CAMK4: variants seen among roughly 807,000 people sequenced by gnomAD.
The protein encoded by CAMK4 is calcium/calmodulin dependent protein kinase IV.
CAMK4 carries 22 observed loss-of-function variants against 44.9 expected under a neutral mutation model. The observed-to-expected ratio is 0.49, with a 90% CI of 0.35 to 0.70. CAMK4 has a LOEUF of 0.70. Ranked by LOEUF, CAMK4 falls within the 30% of genes least tolerant of loss-of-function variation. The pLI is 0.01. For synonymous variants in CAMK4, 218 were observed against 215.4 expected, an observed-to-expected ratio of 1.01 and a Z score of -0.11; for missense variants, 498 against 586.8, an observed-to-expected ratio of 0.85 and a Z score of 1.56.
At chr5:111,319,975 A>T (rs1748589733) in intron 1 of CAMK4, among the ~76,000 whole-genome samples, 1 of 152,200 alleles carries the variant, frequency 6.6e-6, no homozygotes, top group African/African-American at 2.4e-5. Flanking sequence ...TATTAGGTAT[A>T]GGAGTGGAAA....
intron 1 of CAMK4, among the ~76,000 whole-genome samples, chr5:111,334,264 TC>T (rs1749300388): frequency 6.6e-6 from 1 of 151,626 alleles, no homozygotes; most frequent in Non-Finnish European, 1.5e-5. Flanking sequence ...ACTGAAAATG[TC>T]AAATCACTAA....
intron 5 of CAMK4, among the ~76,000 whole-genome samples, chr5:111,411,270 G>A (rs1044743589): frequency 3.9e-5 from 6 of 152,168 alleles, no homozygotes; most frequent in African/African-American, 1.4e-4. Context: ...TTCTCTGAGA[G>A]CCAAGTCTGT....
At chr5:111,477,565 G>C (rs1755291307) in intron 8 of CAMK4, among the ~76,000 whole-genome samples, 1 of 152,116 alleles carries the variant, frequency 6.6e-6, no homozygotes, top group African/African-American at 2.4e-5. Flanking sequence ...TGGATGCTTG[G>C]TGGTCACAAA....
intron 1 of CAMK4, among the ~76,000 whole-genome samples, chr5:111,271,708 C>G (rs183557300): frequency 2.0e-5 from 3 of 152,102 alleles, no homozygotes; most frequent in Admixed American, 2.0e-4. Flanking sequence ...TTTGGCAAGA[C>G]CACATCTTAG....
intron 5 of CAMK4, 82 bp downstream of exon 5, chr5:111,394,864 G>T: frequency 2.4e-6 from 2 of 845,178 alleles, no homozygotes; most frequent in Admixed American, 1.9e-5. Flanking sequence ...ATGCGCATCT[G>T]TGATAAGCCA....
At chr5:111,465,889 C>G (rs183028213) in intron 7 of CAMK4, among the ~76,000 whole-genome samples, 7 of 152,162 alleles carry the variant, frequency 4.6e-5, no homozygotes, top group African/African-American at 1.7e-4. Flanking sequence ...CAGGAAAGGA[C>G]ATAACCAAAA....
chr5:111,244,733 T>C (rs1023286805), intron 1 of CAMK4, among the ~76,000 whole-genome samples: 8 of 151,994 alleles, frequency 5.3e-5, no homozygotes, highest in African/African-American at 1.5e-4. Flanking sequence ...TGGTGGTGCG[T>C]GCCTGTAGTC....
intron 10 of CAMK4, 119 bp from the exon 11 acceptor site, chr5:111,483,907 C>G (rs1232776718): frequency 1.5e-6 from 1 of 670,010 alleles, no homozygotes; most frequent in East Asian, 3.0e-5. Flanking sequence ...GAATAAGGTA[C>G]TTTGAAAACT....
chr5:111,468,637 A>G (rs1342286245), intron 7 of CAMK4, among the ~76,000 whole-genome samples: 1 of 152,184 alleles, frequency 6.6e-6, no homozygotes, highest in African/African-American at 2.4e-5. Flanking sequence ...AGATTGCTAG[A>G]GTGTGTTCTA....
At chr5:111,242,708 C>T (rs1449705943) in intron 1 of CAMK4, among the ~76,000 whole-genome samples, 1 of 152,106 alleles carries the variant, frequency 6.6e-6, no homozygotes, top group Non-Finnish European at 1.5e-5. Context: ...TTACGCCCAC[C>T]ACTCCTGCGT....
chr5:111,422,500 T>G (rs1753069507), intron 5 of CAMK4, among the ~76,000 whole-genome samples: 1 of 152,226 alleles, frequency 6.6e-6, no homozygotes, highest in East Asian at 1.9e-4. Flanking sequence ...ATAGAAGTCT[T>G]CTTAGCCTTT....
rs543892312 is a variant in CAMK4 at position 111,329,146 on chromosome 5, A to T, written c.162-14878A>T. Among the ~76,000 whole-genome samples the T allele has an allele frequency of 1.8e-4, 28 of 152,078 alleles. No individual in the cohort carries two copies. The East Asian group carries it at 5.1e-3, about 27-fold the overall frequency. ...AAAAACCACATGATTATTTCAGTAG[A>T]TGCAGAAAAGGCCTTTGACAAAATT... On this transcript the variant is annotated intron_variant, in intron 1 of 10. Coordinates refer to ENST00000282356, the MANE Select transcript of CAMK4 (RefSeq NM_001744.6).
rs1755605871 is a variant in CAMK4 at position 111,486,052 on chromosome 5, A to T, written c.*1586A>T. 6.6e-6 allele frequency: 1 copy of T among 152,226 alleles called. No individual in the cohort carries two copies. Among genetic ancestry groups the T allele is most frequent in the Admixed American group, 6.5e-5 (1 of 15,282 alleles). The allele number at this position is 152,226 out of a possible 1,614,324, so 9.4% of individuals were successfully genotyped here. On this transcript the variant is annotated 3_prime_UTR_variant, in exon 11 of 11. Transcript: ENST00000282356. ...CTTGTTAAAAAAGAGATCTTAAATT[A>T]TGTTGGCTCTCCCTCAAAACTATTA... is the stretch of plus-strand genomic sequence containing the variant.
chr5:111,243,201 C>G (rs1219612293), intron 1 of CAMK4, among the ~76,000 whole-genome samples: 1 of 152,142 alleles, frequency 6.6e-6, no homozygotes, highest in East Asian at 1.9e-4. Context: ...CCAAAGACAG[C>G]AAGGGCAAGT....
At chr5:111,315,846 A>G (rs1298642459) in intron 1 of CAMK4, among the ~76,000 whole-genome samples, 5 of 152,104 alleles carry the variant, frequency 3.3e-5, no homozygotes, top group African/African-American at 9.7e-5. Context: ...GTCACCTGAG[A>G]TATTGCGAAG....
At chr5:111,332,941 T>G (rs1439929365) in intron 1 of CAMK4, among the ~76,000 whole-genome samples, 5 of 151,622 alleles carry the variant, frequency 3.3e-5, no homozygotes, top group African/African-American at 1.2e-4. Context: ...TGTGGTATAT[T>G]CGTTGAGTGG....
chr5:111,419,627 G>A (rs1164265439), intron 5 of CAMK4, among the ~76,000 whole-genome samples: 1 of 152,122 alleles, frequency 6.6e-6, no homozygotes, highest in African/African-American at 2.4e-5. Context: ...TGTATAAGGT[G>A]TAAGGAAGGG....
chr5:111,364,611 T>G (rs1486384542), intron 2 of CAMK4, among the ~76,000 whole-genome samples: 1 of 152,146 alleles, frequency 6.6e-6, no homozygotes, highest in Admixed American at 6.6e-5. Flanking sequence ...CTTCAAGTTC[T>G]GAAATAGAAG....
intron 2 of CAMK4, among the ~76,000 whole-genome samples, chr5:111,346,495 T>TATCTATCTATCTCCATCC (rs1749873161): frequency 6.6e-6 from 1 of 151,628 alleles, no homozygotes; most frequent in African/African-American, 2.4e-5. Context: ...TCTATCTATC[T>TATCTATCTATCTCCATCC]ATCTATCTAT....
Sources: allele counts gnomAD v4.1 joint callset (sites outside exome capture counted in the v4.1 genomes callset), GRCh38; gene constraint gnomAD v4.1.1; transcripts MANE v1.5; gene names NCBI Gene and HGNC (gene_info 2026-07-23, HGNC 2026-07-21).